The following HMOX1 variants were observed in gnomAD, a reference collection of about 807,000 sequenced individuals.
HMOX1 encodes the protein heat shock protein, 32-kD.
Under a neutral mutation model 27.8 loss-of-function variants are expected in HMOX1, and 22 were observed. The observed-to-expected ratio is 0.79, with a 90% CI of 0.57 to 1.13. HMOX1 has a LOEUF of 1.13. HMOX1 is among the 50% of genes most tolerant of loss of function. The pLI, the probability that HMOX1 is intolerant of heterozygous loss-of-function variation, is 0.00. For missense variants in HMOX1, 379 were observed against 377.7 expected (o/e 1.00, Z -0.03); for synonymous variants, 153 against 151.6 (o/e 1.01, Z -0.07).
intron 3 of HMOX1, among the ~76,000 whole-genome samples, chr22:35,388,792 G>A (rs376193659): frequency 2.6e-4 from 37 of 142,390 alleles, no homozygotes; most frequent in East Asian, 9.3e-4. Flanking sequence ...GTGAGACTCC[G>A]TATTAAAAAC....
chr22:35,381,952 T>C (rs1931396143), intron 1 of HMOX1, among the ~76,000 whole-genome samples: 1 of 152,086 alleles, frequency 6.6e-6, no homozygotes, highest in South Asian at 2.1e-4. Flanking sequence ...TACGGACCCA[T>C]GACAGAAATA....
chr22:35,389,473 C>T (rs1018802417), intron 3 of HMOX1, among the ~76,000 whole-genome samples: 1 of 144,228 alleles, frequency 6.9e-6, no homozygotes, highest in Middle Eastern at 3.2e-3. Flanking sequence ...TGCAGAGTCT[C>T]GCCCTGTCAC....
intron 1 of HMOX1, 64 bp downstream of exon 1, chr22:35,381,260 C>A: frequency 6.6e-7 from 1 of 1,522,664 alleles, no homozygotes; most frequent in Non-Finnish European, 8.8e-7. Flanking sequence ...TGCGTCCTAG[C>A]CCCACCCCGG....
intron 3 of HMOX1, among the ~76,000 whole-genome samples, chr22:35,388,721 C>T (rs1294165421): frequency 2.0e-5 from 3 of 150,740 alleles, no homozygotes; most frequent in South Asian, 2.2e-4. Flanking sequence ...GGCGTGAACC[C>T]GGGAGGCGGA....
In HMOX1 at chr22:35,389,770, AAAGTATTTCCT is replaced by A. The variant is rs1482071247; in HGVS notation, c.637-91_637-81del. 7 of 878,928 alleles carry A rather than the reference AAAGTATTTCCT, an allele frequency of 8.0e-6. No individual in the cohort carries two copies. The Admixed American group carries it at 1.4e-4, about 18-fold the overall frequency. The allele number at this position is 878,928 out of a possible 1,614,324, so 54.4% of individuals were successfully genotyped here. A position where few individuals can be genotyped will look rare whatever the true frequency, so the allele number is the denominator to read the frequency against. On this transcript the variant is annotated intron_variant, in intron 3 of 4. Coordinates refer to ENST00000216117, the MANE Select transcript of HMOX1 (RefSeq NM_002133.3). ...TTTTTCTTACCATCTTGTTATTTCCAAAGTATTTCCTAACACAACTTAAGGTCCTACCTTCA... is the reference window on the plus strand; with the variant it reads ...TTTTTCTTACCATCTTGTTATTTCCAAACACAACTTAAGGTCCTACCTTCA...
Position 35,381,112 on chromosome 22 carries a change from C to G in HMOX1, c.-62C>G. 2.0e-6 allele frequency: 3 copies of G among 1,533,074 alleles called. No individual in the cohort carries two copies. Among genetic ancestry groups the G allele is most frequent in the Non-Finnish European group, 2.6e-6 (3 of 1,144,670 alleles). 95.0% of individuals were successfully genotyped at this position (1,533,074 alleles called of 1,614,324 possible). A position where few individuals can be genotyped will look rare whatever the true frequency, so the allele number is the denominator to read the frequency against. ...CCGGCAGTCAACGCCTGCCTCCTCT[C>G]GAGCGTCCTCAGCGCAGCCGCCGCC... On this transcript the variant is annotated 5_prime_UTR_variant, in exon 1 of 5. Coordinates refer to ENST00000216117, the MANE Select transcript of HMOX1 (RefSeq NM_002133.3).
At chr22:35,389,395 C>CCTTCCTTCCTTCCTTTCTTTCTTTCTTT (rs1555901604) in intron 3 of HMOX1, among the ~76,000 whole-genome samples, 2 of 51,808 alleles carry the variant, frequency 3.9e-5, no homozygotes, top group Non-Finnish European at 6.9e-5. Context: ...TTCCTTCCTT[C>CCTTCCTTCCTTCCTTTCTTTCTTTCTTT]CTTTCTTTCT....
chr22:35,385,195 G>A (rs1033804092), intron 2 of HMOX1, among the ~76,000 whole-genome samples: 1 of 152,120 alleles, frequency 6.6e-6, no homozygotes, highest in African/African-American at 2.4e-5. Flanking sequence ...CCTCCAGGAA[G>A]GAGAATTGTG....
In HMOX1 at chr22:35,382,923, G is replaced by A. The variant is rs17880614; in HGVS notation, c.24-183G>A. ...TCCACCTGCCTTGGCCTCCCAAAGC[G>A]CTGGGATTACAGGCGTGAGCCACCG... On this transcript the variant is annotated intron_variant, in intron 1 of 4. Coordinates refer to ENST00000216117, the MANE Select transcript of HMOX1 (RefSeq NM_002133.3). 4.3e-3 allele frequency among the ~76,000 whole-genome samples: 660 copies of A among 152,260 alleles called. 5 individuals are homozygous for A. The highest frequency in any genetic ancestry group is 0.013 in the South Asian group (63 of 4,826).
At chr22:35,382,341 TTTTTTTGC>T (rs770646191) in intron 1 of HMOX1, among the ~76,000 whole-genome samples, 191 of 151,820 alleles carry the variant, frequency 1.3e-3, no homozygotes, top group Non-Finnish European at 2.1e-3. Flanking sequence ...TGTTTTTTTG[TTTTTTTGC>T]TTTTTTGCTT....
intron 4 of HMOX1, among the ~76,000 whole-genome samples, chr22:35,391,428 C>G (rs1309569103): frequency 6.6e-6 from 1 of 150,728 alleles, no homozygotes; most frequent in Non-Finnish European, 1.5e-5. Context: ...GCTGGGACTA[C>G]AGGTGCCCGC....
chr22:35,391,595 T>A (rs1486590540), intron 4 of HMOX1, among the ~76,000 whole-genome samples: 1 of 132,292 alleles, frequency 7.6e-6, no homozygotes, highest in Non-Finnish European at 1.6e-5. Flanking sequence ...CCTTTTTTTT[T>A]TTTTTTTTTT....
At chr22:35,389,385 TTCCTTC>T (rs1569057577) in intron 3 of HMOX1, among the ~76,000 whole-genome samples, 3,035 of 74,652 alleles carry the variant, frequency 0.041, 154 homozygotes, top group East Asian at 0.06. Context: ...CCTTCCTTCC[TTCCTTC>T]CTTCCTTTCT....
At chr22:35,388,513 C>T (rs1438289414) in intron 3 of HMOX1, among the ~76,000 whole-genome samples, 6 of 151,334 alleles carry the variant, frequency 4.0e-5, no homozygotes, top group South Asian at 2.1e-4. Context: ...GCTGGCCGGG[C>T]GTGGTGGGTC....
rs1569059309 is a variant in HMOX1, at chr22:35,393,472, TGCCCCCGTGGAG to T, written c.742_753del (p.Ala248_Glu251del). ...TTGCCCCATTTTCTCTTTCAGATTC[TGCCCCCGTGGAG>T]ACTCCCAGAGGGAAGCCCCCACTCA... is the stretch of plus-strand genomic sequence containing the variant. On this transcript the variant is annotated inframe_deletion, in exon 5 of 5. Coordinates refer to ENST00000216117, the MANE Select transcript of HMOX1 (RefSeq NM_002133.3). The T allele has an allele frequency of 6.2e-7, 1 of 1,614,202 alleles. No homozygotes were observed. The highest frequency in any genetic ancestry group is 2.2e-5 in the East Asian group (1 of 44,882).
At chr22:35,389,251 TCTC>T (rs1569057155) in intron 3 of HMOX1, among the ~76,000 whole-genome samples, 6 of 64,052 alleles carry the variant, frequency 9.4e-5, no homozygotes, top group East Asian at 5.6e-4. Context: ...TTCTTTCTTT[TCTC>T]TCTCTCTCTC....
chr22:35,381,158 G>A lies in HMOX1; in HGVS notation c.-16G>A, dbSNP rs1486948624. 1 of 1,542,152 alleles carries A rather than the reference G, an allele frequency of 6.5e-7. No homozygotes were observed. The highest frequency in any genetic ancestry group is 8.7e-7 in the Non-Finnish European group (1 of 1,149,898). On this transcript the variant is annotated 5_prime_UTR_variant, in exon 1 of 5. Coordinates refer to ENST00000216117, the MANE Select transcript of HMOX1 (RefSeq NM_002133.3). ...CCGCCCGCGGAGCCAGCACGAACGA[G>A]CCCAGCACCGGCCGGATGGAGCGTC...
rs1555901645 is a variant in HMOX1, at chr22:35,389,449, T to TTTCTTTCTTTC, written c.637-413_637-412insCTTTCTTTCTT. 2.2e-4 allele frequency among the ~76,000 whole-genome samples: 23 copies of TTTCTTTCTTTC among 102,744 alleles called. 1 individual carries two copies. The highest frequency in any genetic ancestry group is 3.9e-4 in the African/African-American group (5 of 12,726). 67.4% of individuals were successfully genotyped at this position (102,744 alleles called of 152,430 possible). On this transcript the variant is annotated intron_variant, in intron 3 of 4. Transcript: ENST00000216117. Reference sequence around the variant, plus strand: ...CTTTCTATCTTTCTTTCTTTCTTTCTTTTCTTTCTTTCTTGCAGAGTCTCG... The same window carrying TTTCTTTCTTTC: ...CTTTCTATCTTTCTTTCTTTCTTTCTTTCTTTCTTTCTTTCTTTCTTTCTTGCAGAGTCTCG...
Position 35,381,193 on chromosome 22 carries a change from A to C in HMOX1, c.20A>C (p.Asp7Ala). 2 of 1,547,556 alleles carry C rather than the reference A, an allele frequency of 1.3e-6. No individual in the cohort carries two copies. The highest frequency in any genetic ancestry group is 1.7e-6 in the Non-Finnish European group (2 of 1,152,786). MERPQPDSMPQDLSEAL... is the reference protein window; with the variant it reads MERPQPASMPQDLSEAL... Reference sequence around the variant, plus strand: ...GGCCGGATGGAGCGTCCGCAACCCGACAGGCAAGCGCGGGGCGCGGGACGC... The same window carrying C: ...GGCCGGATGGAGCGTCCGCAACCCGCCAGGCAAGCGCGGGGCGCGGGACGC... The change falls in exon 1 of 5, where the codon GAC (aspartate) becomes GCC (alanine). Residue 7 changes from aspartate to alanine, a missense_variant. Asp to Ala is a moderately radical substitution (Grantham distance 126). Transcript: ENST00000216117.
Sources: allele counts gnomAD v4.1 joint callset (sites outside exome capture counted in the v4.1 genomes callset), GRCh38; gene constraint gnomAD v4.1.1; transcripts MANE v1.5; gene names NCBI Gene and HGNC (gene_info 2026-07-23, HGNC 2026-07-21).